SLC38A11: variants seen among roughly 807,000 people sequenced by gnomAD.
SLC38A11 encodes solute carrier family 38 member 11.
Under a neutral mutation model 49.4 loss-of-function variants are expected in SLC38A11, and 51 were observed. The observed-to-expected ratio is 1.03, with a 90% CI of 0.83 to 1.30. The LOEUF is 1.30. Ranked by LOEUF, SLC38A11 falls within the 50% of genes most tolerant of loss-of-function variation. The pLI is 0.00. For synonymous variants in SLC38A11, 203 were observed against 192.9 expected, an observed-to-expected ratio of 1.05 and a Z score of -0.43; for missense variants, 574 against 556.2, an observed-to-expected ratio of 1.03 and a Z score of -0.32.
chr2:164,898,589 A>G lies in SLC38A11; in HGVS notation c.1237T>C (p.Phe413Leu). Residue 413 changes from phenylalanine (F) to leucine (L), a missense_variant, in exon 12 of 12, where the codon TTC (phenylalanine) becomes CTC (leucine). Physicochemically the swap from Phe to Leu is conservative, Grantham distance 22. Coordinates refer to ENST00000685975, the MANE Select transcript of SLC38A11 (RefSeq NM_001351537.2). ...PIGAVVMVFG[F>L]VMAITNTQDC... The stretch of plus-strand genomic sequence containing the variant: ...TGAGTATTTGTAATAGCCATGACGA[A>G]TCCAAAAACCATCACCACAGCACCA... 1 of 1,613,680 alleles carries G rather than the reference A, an allele frequency of 6.2e-7. No homozygotes were observed. Among genetic ancestry groups the G allele is most frequent in the Non-Finnish European group, 8.5e-7 (1 of 1,179,752 alleles).
At chr2:164,901,919 G>A (rs1684676750) in intron 11 of SLC38A11, among the ~76,000 whole-genome samples, 1 of 151,808 alleles carries the variant, frequency 6.6e-6, no homozygotes, top group South Asian at 2.1e-4. Context: ...TTATGTTGAG[G>A]ACTTTTCTCT....
intron 10 of SLC38A11, 55 bp from the exon 11 acceptor site, chr2:164,908,826 T>A: frequency 6.5e-7 from 1 of 1,544,954 alleles, no homozygotes; most frequent in South Asian, 1.2e-5. Context: ...GCAGGATTTA[T>A]TGAGGGAGTA....
At chr2:164,936,222 G>T (rs1238903419) in intron 7 of SLC38A11, among the ~76,000 whole-genome samples, 1 of 152,006 alleles carries the variant, frequency 6.6e-6, no homozygotes, top group African/African-American at 2.4e-5. Flanking sequence ...CTTTTTCAAA[G>T]AAAAGGCTAT....
At chr2:164,952,063 G>A (rs923093789) in intron 3 of SLC38A11, among the ~76,000 whole-genome samples, 3 of 151,874 alleles carry the variant, frequency 2.0e-5, no homozygotes, top group Admixed American at 6.5e-5. Flanking sequence ...ATGACAAGGC[G>A]GGGACGAGGA....
rs778374405 is a variant in SLC38A11 at position 164,915,200 on chromosome 2, G to C, written c.762C>G (p.Arg254=). 6.2e-7 allele frequency: 1 copy of C among 1,612,502 alleles called. No homozygotes were observed. Among genetic ancestry groups the C allele is most frequent in the African/African-American group, 1.3e-5 (1 of 74,918 alleles). The change falls in exon 9 of 12, where the codon CGC becomes CGG. Residue 254 remains arginine, a synonymous_variant. Coordinates refer to ENST00000685975, the MANE Select transcript of SLC38A11 (RefSeq NM_001351537.2). ...LEEPTVAKWS[R]LIHMSIVISV... ...AAATCACGATGGACATATGGATAAG[G>C]CGGGACCACTTAGCTACTGTGGGTT... is the stretch of plus-strand genomic sequence containing the variant.
chr2:164,910,072 G>A (rs1360763153), intron 10 of SLC38A11, among the ~76,000 whole-genome samples: 1 of 151,918 alleles, frequency 6.6e-6, no homozygotes, highest in Non-Finnish European at 1.5e-5. Context: ...GAAACAGTTT[G>A]ATTATATTTT....
chr2:164,933,529 A>G (rs924142050), intron 7 of SLC38A11, among the ~76,000 whole-genome samples: 4 of 152,256 alleles, frequency 2.6e-5, no homozygotes, highest in Non-Finnish European at 5.9e-5. Flanking sequence ...TTTTTAAAAC[A>G]TAACCACTAA....
chr2:164,915,608 T>C (rs1198424540), intron 8 of SLC38A11: 4 of 425,388 alleles, frequency 9.4e-6, no homozygotes, highest in South Asian at 1.3e-4. Flanking sequence ...ATTTGGGACA[T>C]AATAAAGGGT....
At chr2:164,930,686 CT>C (rs2105485882) in intron 7 of SLC38A11, among the ~76,000 whole-genome samples, 1 of 152,158 alleles carries the variant, frequency 6.6e-6, no homozygotes, top group Non-Finnish European at 1.5e-5. Context: ...GCCAAAAAGG[CT>C]TTTGATAAAA....
At chr2:164,915,087 A>G (rs1300905706) in intron 9 of SLC38A11, 25 bp downstream of exon 9, 1 of 1,589,134 alleles carries the variant, frequency 6.3e-7, no homozygotes, top group Admixed American at 1.7e-5. Flanking sequence ...GCACATGAAC[A>G]CTATAACTGA....
rs192078264 is a variant in SLC38A11 at position 164,951,079 on chromosome 2, A to T, written c.229+1628T>A. On this transcript the variant is annotated intron_variant, in intron 3 of 11. Transcript: ENST00000685975. ...TGTGAATTTGCAAAGGACTTCTCACAGTTATTGTTATAGGTTTATATATGG... is the reference window on the plus strand; with the variant it reads ...TGTGAATTTGCAAAGGACTTCTCACTGTTATTGTTATAGGTTTATATATGG... 1.1e-3 allele frequency among the ~76,000 whole-genome samples: 164 copies of T among 152,294 alleles called. 1 individual carries two copies. Among genetic ancestry groups the T allele is most frequent in the African/African-American group, 3.8e-3 (159 of 41,570 alleles).
rs777895322 is a variant in SLC38A11, at chr2:164,908,738, A to G, written c.997T>C (p.Ser333Pro). The G allele has an allele frequency of 3.7e-6, 6 of 1,611,242 alleles. No homozygotes were observed. In the Admixed American group the frequency reaches 8.4e-5, roughly 22 times the overall value. The change falls in exon 11 of 12, where the codon TCA (serine) becomes CCA (proline). Residue 333 changes from serine (S) to proline (P), a missense_variant. Coordinates refer to ENST00000685975, the MANE Select transcript of SLC38A11 (RefSeq NM_001351537.2). ...GTTACAACAATGTGGAAAACCGATGAAAGATTCCCACCAAAAAACACATTG... is the reference window on the plus strand; with the variant it reads ...GTTACAACAATGTGGAAAACCGATGGAAGATTCCCACCAAAAAACACATTG... ...IANVFFGGNLSSVFHIVVTVM... is the reference protein window; with the variant it reads ...IANVFFGGNLPSVFHIVVTVM...
At chr2:164,910,457 T>TAA (rs201105947) in intron 10 of SLC38A11, among the ~76,000 whole-genome samples, 1 of 151,552 alleles carries the variant, frequency 6.6e-6, no homozygotes, top group East Asian at 1.9e-4. Flanking sequence ...CTCTTAAATT[T>TAA]AAAAAAAAAT....
intron 7 of SLC38A11, among the ~76,000 whole-genome samples, chr2:164,932,056 A>G (rs1466397456): frequency 6.6e-6 from 1 of 152,134 alleles, no homozygotes; most frequent in East Asian, 1.9e-4. Flanking sequence ...GCATCTTATA[A>G]GGAACTTAAA....
At chr2:164,912,049 G>A (rs544771215) in intron 9 of SLC38A11, 16 of 171,522 alleles carry the variant, frequency 9.3e-5, no homozygotes, top group East Asian at 9.1e-4. Flanking sequence ...ATTTGTGTAC[G>A]TATACTCTGT....
At chr2:164,943,827 C>T (rs996746036) in intron 5 of SLC38A11, among the ~76,000 whole-genome samples, 1 of 151,942 alleles carries the variant, frequency 6.6e-6, no homozygotes, top group Non-Finnish European at 1.5e-5. Flanking sequence ...GACTATATGC[C>T]TTTGTCAAAA....
At chr2:164,947,117 C>CTCTTTTTTTTT (rs1688168614) in intron 3 of SLC38A11, among the ~76,000 whole-genome samples, 1 of 72,904 alleles carries the variant, frequency 1.4e-5, no homozygotes, top group African/African-American at 7.7e-5. Context: ...TTTTTTATCT[C>CTCTTTTTTTTT]TTTTTTTTTT....
At chr2:164,908,583 T>C in intron 11 of SLC38A11, 57 bp downstream of exon 11, 1 of 1,412,358 alleles carries the variant, frequency 7.1e-7, no homozygotes, top group East Asian at 2.5e-5. Context: ...TTAAATGTAA[T>C]CATTATCTTT....
intron 7 of SLC38A11, among the ~76,000 whole-genome samples, chr2:164,916,729 A>G (rs995036503): frequency 2.0e-5 from 3 of 152,164 alleles, no homozygotes; most frequent in African/African-American, 7.2e-5. Flanking sequence ...ATGCACTTTA[A>G]ACAGCTTGAA....
Sources: allele counts gnomAD v4.1 joint callset (sites outside exome capture counted in the v4.1 genomes callset), GRCh38; gene constraint gnomAD v4.1.1; transcripts MANE v1.5; gene names NCBI Gene and HGNC (gene_info 2026-07-23, HGNC 2026-07-21).